TET3: variants seen among roughly 807,000 people sequenced by gnomAD.
The protein encoded by TET3 is methylcytosine dioxygenase TET3.
A neutral mutation model predicts 141.4 loss-of-function variants in TET3; 19 were observed. The observed-to-expected ratio is 0.13, with a 90% confidence interval of 0.09 to 0.20. The LOEUF (loss-of-function observed/expected upper bound fraction) is 0.20, where lower values mean the gene tolerates loss of function less well. TET3 is among the 10% of genes least tolerant of loss of function. TET3 has a pLI of 1.00. For synonymous variants in TET3, 1,043 were observed against 980.9 expected (o/e 1.06, Z -1.18); for missense variants, 1,874 against 2,356.9 (o/e 0.80, Z 4.24).
chr2:74,104,288 T>C lies in TET3; in HGVS notation c.*2112T>C, dbSNP rs879882889. On this transcript the variant is annotated 3_prime_UTR_variant, in exon 12 of 12. Coordinates refer to ENST00000409262, the MANE Select transcript of TET3 (RefSeq NM_001287491.2). ...CAAAAAAATGAAATATTATTGCTTT[T>C]GAAATAAATACCCAAGAGCTTATCA... 1.3e-5 allele frequency: 2 copies of C among 152,366 alleles called. No individual in the cohort carries two copies. The highest frequency in any genetic ancestry group is 3.8e-4 in the East Asian group (2 of 5,196). 9.4% of individuals were successfully genotyped at this position (152,366 alleles called of 1,614,324 possible).
rs61217149 is a variant in TET3 at position 74,032,451 on chromosome 2, C to CTGTGTG, written c.361-13775_361-13770dup. 1.0e-3 allele frequency among the ~76,000 whole-genome samples: 73 copies of CTGTGTG among 71,946 alleles called. 2 individuals carry two copies. Among genetic ancestry groups the CTGTGTG allele is most frequent in the East Asian group, 6.1e-3 (19 of 3,140 alleles). The allele number at this position is 71,946 out of a possible 152,430, so 47.2% of individuals were successfully genotyped here. A position where few individuals can be genotyped will look rare whatever the true frequency, so the allele number is the denominator to read the frequency against. Reference sequence around the variant, plus strand: ...CAGCGGCTGCAAGAGGGGTGTGTCTCTGTGTGTGTGTGTGTGTGTGTGTGT... The same window carrying CTGTGTG: ...CAGCGGCTGCAAGAGGGGTGTGTCTCTGTGTGTGTGTGTGTGTGTGTGTGTGTGTGT... On this transcript the variant is annotated intron_variant, in intron 3 of 11. Transcript: ENST00000409262.
chr2:74,053,272 G>T (rs1417941133), intron 4 of TET3, among the ~76,000 whole-genome samples: 1 of 152,110 alleles, frequency 6.6e-6, no homozygotes, highest in African/African-American at 2.4e-5. Context: ...TAACACCATT[G>T]TCAGAAACAG....
the TET3 span, among the ~76,000 whole-genome samples, chr2:74,126,639 C>T: frequency 6.6e-6 from 1 of 151,530 alleles, no homozygotes; most frequent in Non-Finnish European, 1.5e-5. Flanking sequence ...GTAGCTGGGA[C>T]TACAGGCACC....
upstream of TET3, among the ~76,000 whole-genome samples, chr2:73,984,830 C>A (rs1683914296): frequency 6.8e-6 from 1 of 146,960 alleles, no homozygotes; most frequent in Non-Finnish European, 1.5e-5. This position sits in a 1 kb window ranked among gnomAD's most constrained non-coding sequence, Gnocchi z 5.6. Context: ...GCCGGCGGGG[C>A]TCGGCGGGGC....
intron 2 of TET3, chr2:74,002,776 C>G: frequency 1.9e-6 from 1 of 539,634 alleles, no homozygotes; most frequent in Non-Finnish European, 3.2e-6. Context: ...GCCCGCCGGC[C>G]GATGCACCAG....
rs570795230 is a variant in TET3, at chr2:74,101,741, C to T, written c.4953C>T (p.Ile1651=). Reference sequence around the variant, plus strand: ...AACACAACTTCCTGGACGAGAACATCGGCGGCGTGGCCGTGGCCCCAGCCC... The same window carrying T: ...AACACAACTTCCTGGACGAGAACATTGGCGGCGTGGCCGTGGCCCCAGCCC... The part of the protein sequence containing the change: ...DSEHNFLDEN[I]GGVAVAPAHG... The change falls in exon 12 of 12, where the codon ATC becomes ATT. Residue 1651 remains isoleucine (I), a synonymous_variant. Transcript: ENST00000409262. This position sits in a 1 kb window ranked among gnomAD's most constrained non-coding sequence, Gnocchi z 8.5. 5.0e-5 allele frequency: 81 copies of T among 1,613,306 alleles called. No homozygotes were observed. Among genetic ancestry groups the T allele is most frequent in the South Asian group, 9.9e-5 (9 of 91,092 alleles).
At chr2:74,056,564 T>A (rs1688228558) in intron 4 of TET3, among the ~76,000 whole-genome samples, 1 of 152,160 alleles carries the variant, frequency 6.6e-6, no homozygotes, top group African/African-American at 2.4e-5. Context: ...CACCTTCACT[T>A]CTTCTCTCAG....
intron 3 of TET3, among the ~76,000 whole-genome samples, chr2:74,044,903 A>G (rs557654943): frequency 1.2e-4 from 18 of 152,354 alleles, no homozygotes; most frequent in Admixed American, 3.3e-4. Context: ...ATCCACATCC[A>G]TATTCACATT....
At chr2:74,062,265 T>C (rs1357211327) in intron 4 of TET3, among the ~76,000 whole-genome samples, 1 of 152,084 alleles carries the variant, frequency 6.6e-6, no homozygotes, top group Non-Finnish European at 1.5e-5. Context: ...CCAAAAAAAA[T>C]CCATAAAAAC....
the TET3 span, among the ~76,000 whole-genome samples, chr2:74,118,280 C>T: frequency 1.3e-5 from 2 of 152,080 alleles, no homozygotes; most frequent in Non-Finnish European, 2.9e-5. Flanking sequence ...GAAGTGCTCC[C>T]GAGAAGCAAA....
intron 3 of TET3, among the ~76,000 whole-genome samples, chr2:74,007,834 C>G (rs1167587682): frequency 1.3e-5 from 2 of 152,084 alleles, no homozygotes; most frequent in Non-Finnish European, 2.9e-5. Context: ...TTTCAGTGTT[C>G]CCAAAAGATT....
At chr2:74,077,725 G>A (rs534814373) in intron 5 of TET3, among the ~76,000 whole-genome samples, 27 of 152,282 alleles carry the variant, frequency 1.8e-4, no homozygotes, top group South Asian at 6.2e-4. Context: ...TCACAGGGGC[G>A]GGATGGTGGG....
intron 2 of TET3, chr2:74,002,853 C>T (rs1452612331): frequency 5.3e-6 from 3 of 570,022 alleles, no homozygotes; most frequent in South Asian, 2.2e-5. Context: ...CGGGGGTCGC[C>T]GTCCTCTCGG....
At chr2:74,127,219 T>G in the TET3 span, among the ~76,000 whole-genome samples, 1 of 152,234 alleles carries the variant, frequency 6.6e-6, no homozygotes, top group Non-Finnish European at 1.5e-5. Context: ...GACCTCTGTT[T>G]CAAGGTTCCA....
chr2:74,133,303 G>A, the TET3 span, among the ~76,000 whole-genome samples: 1 of 152,176 alleles, frequency 6.6e-6, no homozygotes, highest in African/African-American at 2.4e-5. Flanking sequence ...ATCAATTGCT[G>A]CATAAAAATG....
At chr2:74,089,163 GC>G (rs948943534) in intron 7 of TET3, among the ~76,000 whole-genome samples, 1 of 149,202 alleles carries the variant, frequency 6.7e-6, no homozygotes, top group Non-Finnish European at 1.5e-5. Context: ...TTATAAGCAA[GC>G]CCTCCCCTAG....
Position 74,046,995 on chromosome 2 carries a change from A to G in TET3, c.1078A>G (p.Ile360Val). The change falls in exon 4 of 12, where the codon ATT (isoleucine) becomes GTT (valine). Residue 360 changes from isoleucine (I) to valine (V), a missense_variant. Transcript: ENST00000409262. The surrounding 1 kb of genome is among the most constrained non-coding windows in gnomAD (Gnocchi z 4.3). ...CATCAGCTTGCAGACCGCCATTGCC[A>G]TTGAGGCCCTCACACAGCTCTCCTC... ...KNISLQTAIA[I>V]EALTQLSSAL... 6.2e-7 allele frequency: 1 copy of G among 1,613,902 alleles called. No individual in the cohort carries two copies. The highest frequency in any genetic ancestry group is 8.5e-7 in the Non-Finnish European group (1 of 1,179,844).
intron 3 of TET3, among the ~76,000 whole-genome samples, chr2:74,018,679 G>T (rs1473541506): frequency 6.7e-6 from 1 of 149,194 alleles, no homozygotes. Context: ...GTCTGATTCT[G>T]TGTATTTCAT....
At position 74,061,761 on chromosome 2, in the gene TET3, G is replaced by A. The variant is rs551359623; in HGVS notation, c.2495-11788G>A. 3.6e-3 allele frequency among the ~76,000 whole-genome samples: 527 copies of A among 145,442 alleles called. 6 individuals are homozygous for A. Among genetic ancestry groups the A allele is most frequent in the African/African-American group, 0.013 (514 of 38,324 alleles). ...TCAGACGGGGCGGCCGGGCAGAGAC[G>A]CTCCTCACCTCCCAGACGGGGTCGC... On this transcript the variant is annotated intron_variant, in intron 4 of 11. Transcript: ENST00000409262.
Sources: gnomAD v4.1 joint callset for allele counts (sites outside exome capture counted in the v4.1 genomes callset) on GRCh38, gnomAD v4.1.1 for gene constraint, Gnocchi (gnomAD v3.1) non-coding constraint, MANE v1.5 for transcripts, NCBI Gene and HGNC (gene_info 2026-07-23, HGNC 2026-07-21) for gene names.